PHACTR3: variants seen among roughly 807,000 people sequenced by gnomAD.
PHACTR3 encodes protein phosphatase 1, regulatory subunit 123.
PHACTR3 carries 16 observed loss-of-function variants against 66.8 expected under a neutral mutation model. That is an observed-to-expected ratio of 0.24 (90% CI 0.16 to 0.36). The LOEUF is 0.36. PHACTR3 is among the 10% of genes least tolerant of loss of function. PHACTR3 has a pLI of 1.00. For synonymous variants in PHACTR3, 323 were observed against 292.1 expected (o/e 1.11, Z -1.08); for missense variants, 647 against 719.9 (o/e 0.90, Z 1.16).
intron 1 of PHACTR3, among the ~76,000 whole-genome samples, chr20:59,700,404 C>A (rs185330579): frequency 6.6e-6 from 1 of 152,186 alleles, no homozygotes; most frequent in Non-Finnish European, 1.5e-5. Context: ...CTGATGACTG[C>A]AACTGCAAGA....
intron 1 of PHACTR3, among the ~76,000 whole-genome samples, chr20:59,624,978 C>T (rs1404330861): frequency 2.0e-5 from 3 of 152,148 alleles, no homozygotes; most frequent in Non-Finnish European, 4.4e-5. Flanking sequence ...CATCCAGATC[C>T]CGCATGACAT....
At chr20:59,691,700 G>A (rs1238190248) in intron 1 of PHACTR3, among the ~76,000 whole-genome samples, 1 of 151,992 alleles carries the variant, frequency 6.6e-6, no homozygotes, top group Non-Finnish European at 1.5e-5. Flanking sequence ...ACTTTAGCAG[G>A]ATTTTAGTTG....
At chr20:59,649,587 T>A (rs1193713466) in intron 1 of PHACTR3, among the ~76,000 whole-genome samples, 2 of 152,214 alleles carry the variant, frequency 1.3e-5, no homozygotes, top group Non-Finnish European at 2.9e-5. Flanking sequence ...CCTCAGACTA[T>A]CAAAAATCAT....
At chr20:59,827,085 A>G (rs6123951) in intron 8 of PHACTR3, among the ~76,000 whole-genome samples, 33,459 of 151,690 alleles carry the variant, frequency 0.22, 5,279 homozygotes, top group African/African-American at 0.44. Context: ...GGTGACCTGG[A>G]TGTCCCTTGG....
At chr20:59,742,277 C>G (rs1459078923) in intron 1 of PHACTR3, among the ~76,000 whole-genome samples, 5 of 151,340 alleles carry the variant, frequency 3.3e-5, no homozygotes, top group Non-Finnish European at 7.4e-5. Flanking sequence ...GTTGACAGGA[C>G]AGACGATGAC....
At chr20:59,809,729 T>G (rs1258412950) in intron 8 of PHACTR3, among the ~76,000 whole-genome samples, 2 of 152,136 alleles carry the variant, frequency 1.3e-5, no homozygotes, top group Non-Finnish European at 2.9e-5. Context: ...TGTCAGTACT[T>G]TGAGGTTTGT....
At chr20:59,701,083 C>A (rs536667031) in intron 1 of PHACTR3, among the ~76,000 whole-genome samples, 4 of 152,192 alleles carry the variant, frequency 2.6e-5, no homozygotes, top group Non-Finnish European at 5.9e-5. Context: ...TGTACCATTG[C>A]GTCCAGCTCT....
Position 59,743,122 on chromosome 20 carries a change from C to A in PHACTR3, c.134C>A (p.Thr45Lys). Residue 45 changes from threonine (T) to lysine (K), a missense_variant, in exon 2 of 13, where the codon ACG becomes AAG. Physicochemically the swap from Thr to Lys is moderately conservative, Grantham distance 78 (BLOSUM62 -1). This residue lies in a region of PHACTR3 where 577 missense variants were observed against 571.1 expected (regional missense o/e 1.01). Transcript: ENST00000371015. Reference sequence around the variant, plus strand: ...CGTCTTCCAGATGAGATGGACCAAACGCCCCCGGCGCGTCCTGAATATCTG... The same window carrying A: ...CGTCTTCCAGATGAGATGGACCAAAAGCCCCCGGCGCGTCCTGAATATCTG... ...AGENPDEMDQ[T>K]PPARPEYLVS... The A allele has an allele frequency of 6.2e-7, 1 of 1,613,294 alleles. No homozygotes were observed. Among genetic ancestry groups the A allele is most frequent in the Non-Finnish European group, 8.5e-7 (1 of 1,179,656 alleles).
At chr20:59,710,361 T>G (rs2037868112) in intron 1 of PHACTR3, among the ~76,000 whole-genome samples, 1 of 152,180 alleles carries the variant, frequency 6.6e-6, no homozygotes, top group South Asian at 2.1e-4. Context: ...GAGATGTTAG[T>G]GGTCCTCATT....
chr20:59,658,175 T>G (rs1256530582), intron 1 of PHACTR3, among the ~76,000 whole-genome samples: 1 of 152,168 alleles, frequency 6.6e-6, no homozygotes. Flanking sequence ...AATTTCTATC[T>G]CTTTATTGAC....
At chr20:59,606,871 G>A (rs2033689207) in intron 1 of PHACTR3, among the ~76,000 whole-genome samples, 1 of 152,172 alleles carries the variant, frequency 6.6e-6, no homozygotes, top group Admixed American at 6.5e-5. Context: ...GTCTAAATGG[G>A]ACCCAGAGAA....
In PHACTR3 at chr20:59,661,985, G is replaced by A. The variant is rs188817433; in HGVS notation, c.118+56853G>A. ...CTCTTGGCCCCTGTGAAAGGAACTC[G>A]CGGTGGAATATTGTATTCGGTGCTG... On this transcript the variant is annotated intron_variant, in intron 1 of 12. Coordinates refer to ENST00000371015, the MANE Select transcript of PHACTR3 (RefSeq NM_080672.5). Among the ~76,000 whole-genome samples the A allele has an allele frequency of 1.8e-3, 268 of 152,224 alleles. 2 individuals are homozygous for A. The highest frequency in any genetic ancestry group is 5.7e-3 in the African/African-American group (235 of 41,532).
intron 8 of PHACTR3, among the ~76,000 whole-genome samples, chr20:59,813,334 A>G (rs1171271833): frequency 6.6e-6 from 1 of 152,208 alleles, no homozygotes; most frequent in Non-Finnish European, 1.5e-5. Flanking sequence ...AAAAGGCTGC[A>G]AAGTTTGCCT....
At chr20:59,666,027 A>G (rs1393138164) in intron 1 of PHACTR3, among the ~76,000 whole-genome samples, 1 of 152,074 alleles carries the variant, frequency 6.6e-6, no homozygotes, top group African/African-American at 2.4e-5. Flanking sequence ...ACTGGGGCCC[A>G]GGGGCTGGGA....
At chr20:59,771,569 G>A (rs948207046) in intron 5 of PHACTR3, among the ~76,000 whole-genome samples, 8 of 150,476 alleles carry the variant, frequency 5.3e-5, no homozygotes, top group South Asian at 4.3e-4. Context: ...GCCCACCTGC[G>A]TGGTGCCCTC....
chr20:59,601,635 T>C (rs1189888510), upstream of PHACTR3, among the ~76,000 whole-genome samples: 1 of 152,210 alleles, frequency 6.6e-6, no homozygotes, highest in Non-Finnish European at 1.5e-5. Flanking sequence ...GACTTTGAAG[T>C]CCAAAGTCTC....
At chr20:59,812,538 C>T (rs1028056744) in intron 8 of PHACTR3, among the ~76,000 whole-genome samples, 6 of 152,186 alleles carry the variant, frequency 3.9e-5, no homozygotes, top group South Asian at 2.1e-4. Flanking sequence ...GGAGACAGAA[C>T]GCACAGAAAT....
At chr20:59,716,356 G>A (rs772732405) in intron 1 of PHACTR3, among the ~76,000 whole-genome samples, 4 of 151,728 alleles carry the variant, frequency 2.6e-5, no homozygotes, top group East Asian at 1.9e-4. Flanking sequence ...AGGTTCAAGC[G>A]ATTCTTGTGC....
At chr20:59,706,925 T>A (rs1218896464) in intron 1 of PHACTR3, among the ~76,000 whole-genome samples, 1 of 152,230 alleles carries the variant, frequency 6.6e-6, no homozygotes, top group Admixed American at 6.5e-5. Context: ...CCTCACATCA[T>A]CTGTGGACCT....
Sources: allele counts gnomAD v4.1 joint callset (sites outside exome capture counted in the v4.1 genomes callset), GRCh38; gene constraint gnomAD v4.1.1; regional missense constraint gnomAD v4.1.1; transcripts MANE v1.5; gene names NCBI Gene and HGNC (gene_info 2026-07-23, HGNC 2026-07-21).